Variants in CD80 observed in about 807,000 individuals in gnomAD.
The protein encoded by CD80 is T-lymphocyte activation antigen CD80.
In CD80, 13 loss-of-function variants were observed where a neutral mutation model predicts 27.1. The observed-to-expected ratio is 0.48, with a 90% CI of 0.31 to 0.76. The LOEUF is 0.76. Among genes scored for constraint, CD80 ranks in the 30% least tolerant of loss-of-function variants. The pLI is 0.04. For synonymous variants in CD80, 125 were observed against 125.5 expected (o/e 1.00, Z 0.03); for missense variants, 277 against 347.9 (o/e 0.80, Z 1.62).
At chr3:119,551,182 G>A (rs901181105) in intron 2 of CD80, among the ~76,000 whole-genome samples, 3 of 152,190 alleles carry the variant, frequency 2.0e-5, no homozygotes, top group African/African-American at 7.2e-5. Context: ...CTAGGCATGA[G>A]GAAATGAGGT....
rs1560052660 is a variant in CD80, at chr3:119,527,813, CCTT to C, written c.822_824del (p.Arg276del). ...TTTCCCTTCTCAATCTCTCATTCCTCCTTCTCTCTCTGCATCTTGGGGCAAAGC... is the reference window on the plus strand; with the variant it reads ...TTTCCCTTCTCAATCTCTCATTCCTCCTCTCTCTGCATCTTGGGGCAAAGC... On this transcript the variant is annotated inframe_deletion, in exon 6 of 7. Coordinates refer to ENST00000264246, the MANE Select transcript of CD80 (RefSeq NM_005191.4). 7.4e-6 allele frequency: 12 copies of C among 1,614,022 alleles called. No homozygotes were observed. The highest frequency in any genetic ancestry group is 9.3e-6 in the Non-Finnish European group (11 of 1,179,898).
chr3:119,552,807 T>C (rs2082241363), intron 2 of CD80, among the ~76,000 whole-genome samples: 1 of 151,786 alleles, frequency 6.6e-6, no homozygotes. Flanking sequence ...TGAAAGAAAA[T>C]AGTCACGAAA....
Position 119,537,404 on chromosome 3 carries a change from G to T in CD80, c.433C>A (p.Pro145Thr), listed in dbSNP as rs1157880125. The T allele has an allele frequency of 2.5e-6, 4 of 1,602,564 alleles. No homozygotes were observed. Among genetic ancestry groups the T allele is most frequent in the Non-Finnish European group, 3.4e-6 (4 of 1,170,074 alleles). Residue 145 changes from proline (P) to threonine (T), a missense_variant, in exon 4 of 7, where the codon CCT (proline) becomes ACT (threonine). Transcript: ENST00000264246. ...TLSVKADFPT[P>T]SISDFEIPTS... ...GGAATTTCAAAGTCAGATATACTAG[G>T]TGTAGGGAAGTCAGCTAAAGAAAGA...
chr3:119,558,909 C>T (rs768914235), intron 1 of CD80, among the ~76,000 whole-genome samples: 12 of 152,162 alleles, frequency 7.9e-5, no homozygotes, highest in Admixed American at 1.3e-4. Flanking sequence ...GACACAGCCC[C>T]GTGCTGCTCA....
At chr3:119,536,341 T>C (rs1165407966) in intron 4 of CD80, among the ~76,000 whole-genome samples, 1 of 152,128 alleles carries the variant, frequency 6.6e-6, no homozygotes, top group Non-Finnish European at 1.5e-5. Context: ...TTTTAAATTA[T>C]TTTATTTATT....
intron 1 of CD80, among the ~76,000 whole-genome samples, chr3:119,558,775 A>G (rs2082277644): frequency 1.3e-5 from 2 of 152,016 alleles, no homozygotes; most frequent in Non-Finnish European, 2.9e-5. Context: ...CAAAAAAAAA[A>G]AAAAAAAAAA....
intron 4 of CD80, among the ~76,000 whole-genome samples, chr3:119,534,414 G>T (rs1263488766): frequency 1.3e-5 from 2 of 150,182 alleles, no homozygotes; most frequent in Non-Finnish European, 3.0e-5. Flanking sequence ...GAAAAATTTT[G>T]TTGGAACATA....
chr3:119,542,595 C>A (rs999013824), intron 3 of CD80, among the ~76,000 whole-genome samples: 3 of 152,022 alleles, frequency 2.0e-5, no homozygotes, highest in Non-Finnish European at 4.4e-5. Context: ...AAAGTGAAAC[C>A]CCCTTTGCAA....
rs2082281425 is a variant in CD80, at chr3:119,559,522, G to A, written c.-283C>T. 1 of 152,202 alleles carries A rather than the reference G, an allele frequency of 6.6e-6. No individual in the cohort carries two copies. Among genetic ancestry groups the A allele is most frequent in the African/African-American group, 2.4e-5 (1 of 41,444 alleles). 9.4% of individuals were successfully genotyped at this position (152,202 alleles called of 1,614,324 possible). A position where few individuals can be genotyped will look rare whatever the true frequency, so the allele number is the denominator to read the frequency against. ...ACTTCTGAGATGTTCTCTTCTTACA[G>A]TCTATAAAGCAATGACAAATCACTT... On this transcript the variant is annotated 5_prime_UTR_variant, in exon 1 of 7. Coordinates refer to ENST00000264246, the MANE Select transcript of CD80 (RefSeq NM_005191.4).
chr3:119,537,248 G>C lies in CD80; in HGVS notation c.589C>G (p.Leu197Val), dbSNP rs201856750. 1 of 1,614,036 alleles carries C rather than the reference G, an allele frequency of 6.2e-7. No homozygotes were observed. Among genetic ancestry groups the C allele is most frequent in the Admixed American group, 1.7e-5 (1 of 60,014 alleles). The stretch of plus-strand genomic sequence containing the variant: ...TCCAGTTTGCTGCTAACAGCATAGA[G>C]CTCAGTTTCAGGATCTTGGGAAACT... ...TTVSQDPETE[L>V]YAVSSKLDFN... Residue 197 changes from leucine to valine, a missense_variant, in exon 4 of 7, where the codon CTC becomes GTC. Coordinates refer to ENST00000264246, the MANE Select transcript of CD80 (RefSeq NM_005191.4).
intron 2 of CD80, among the ~76,000 whole-genome samples, chr3:119,549,240 C>T (rs1178090796): frequency 6.6e-6 from 1 of 152,134 alleles, no homozygotes; most frequent in East Asian, 1.9e-4. Flanking sequence ...ACCCTCCAGC[C>T]TGGATTTGCT....
chr3:119,547,150 A>G (rs1326164255), intron 2 of CD80, among the ~76,000 whole-genome samples: 1 of 152,246 alleles, frequency 6.6e-6, no homozygotes, highest in Non-Finnish European at 1.5e-5. Context: ...TTGTTGGTAT[A>G]GAAAGAACAT....
At chr3:119,542,380 G>A (rs1215212089) in intron 3 of CD80, among the ~76,000 whole-genome samples, 1 of 152,006 alleles carries the variant, frequency 6.6e-6, no homozygotes, top group African/African-American at 2.4e-5. Context: ...GAACAGTAAG[G>A]AATTCACTAC....
At chr3:119,531,789 GA>G (rs149821409) in intron 4 of CD80, among the ~76,000 whole-genome samples, 13,077 of 151,992 alleles carry the variant, frequency 0.086, 706 homozygotes, top group African/African-American at 0.14. Flanking sequence ...TCAGCCTCCC[GA>G]GTAGCTGGGA....
Position 119,530,471 on chromosome 3 carries a change from A to G in CD80, c.701-534T>C, listed in dbSNP as rs936382834. ...GTTTTTCACCCTCTAGCTACTGGAA[A>G]CACAGAACAAGTCTGGCAAAGAACT... On this transcript the variant is annotated intron_variant, in intron 4 of 6. Coordinates refer to ENST00000264246, the MANE Select transcript of CD80 (RefSeq NM_005191.4). Among the ~76,000 whole-genome samples the G allele has an allele frequency of 1.1e-4, 16 of 152,214 alleles. 1 individual carries two copies. Among genetic ancestry groups the G allele is most frequent in the Admixed American group, 5.9e-4 (9 of 15,282 alleles).
chr3:119,558,581 G>A (rs913411544), intron 1 of CD80, among the ~76,000 whole-genome samples: 1 of 152,012 alleles, frequency 6.6e-6, no homozygotes, highest in Non-Finnish European at 1.5e-5. Context: ...TGGCCAACAT[G>A]GCAAAACCCC....
intron 2 of CD80, among the ~76,000 whole-genome samples, chr3:119,554,818 A>G (rs2082254002): frequency 6.6e-6 from 1 of 152,134 alleles, no homozygotes; most frequent in Admixed American, 6.5e-5. Flanking sequence ...ACACTCTCCA[A>G]CCCATCAACT....
At chr3:119,529,545 T>C (rs1357011125) in intron 5 of CD80, among the ~76,000 whole-genome samples, 1 of 152,072 alleles carries the variant, frequency 6.6e-6, no homozygotes, top group African/African-American at 2.4e-5. Context: ...TCTCCAAAAA[T>C]ATATAAAGTC....
intron 4 of CD80, among the ~76,000 whole-genome samples, chr3:119,531,077 A>T (rs1417419693): frequency 1.3e-5 from 2 of 152,266 alleles, no homozygotes; most frequent in Admixed American, 1.3e-4. Flanking sequence ...CTTACTGGGC[A>T]TGAACAAGAG....
Sources: gnomAD v4.1 joint callset for allele counts (sites outside exome capture counted in the v4.1 genomes callset) on GRCh38, gnomAD v4.1.1 for gene constraint, MANE v1.5 for transcripts, NCBI Gene and HGNC (gene_info 2026-07-23, HGNC 2026-07-21) for gene names.